Variants in CAPZA1 observed in about 807,000 individuals in gnomAD.
CAPZA1 encodes capping actin protein of muscle Z-line subunit alpha 1.
In CAPZA1, 10 loss-of-function variants were observed where a neutral mutation model predicts 40.8. The observed-to-expected ratio is 0.25, with a 90% CI of 0.15 to 0.42. The LOEUF (loss-of-function observed/expected upper bound fraction) is 0.42, where lower values mean the gene tolerates loss of function less well. Ranked by LOEUF, CAPZA1 falls within the 10% of genes least tolerant of loss-of-function variation. CAPZA1 has a pLI of 1.00. For missense variants in CAPZA1, 277 were observed against 353.8 expected (o/e 0.78, Z 1.74); for synonymous variants, 98 against 115.0 (o/e 0.85, Z 0.95).
chr1:112,641,852 G>C (rs566732035), intron 1 of CAPZA1, among the ~76,000 whole-genome samples: 1 of 137,766 alleles, frequency 7.3e-6, no homozygotes, highest in African/African-American at 2.8e-5. Context: ...TTGTGCTGCC[G>C]CACTCCAGCC....
chr1:112,648,383 T>C (rs1016324850), intron 2 of CAPZA1, among the ~76,000 whole-genome samples: 23 of 148,632 alleles, frequency 1.5e-4, no homozygotes, highest in African/African-American at 5.5e-4. Flanking sequence ...GGAGTCTTGC[T>C]TTGTTGCCAG....
intron 1 of CAPZA1, among the ~76,000 whole-genome samples, chr1:112,645,688 T>C (rs1463486278): frequency 4.7e-5 from 7 of 148,522 alleles, no homozygotes; most frequent in Non-Finnish European, 7.4e-5. Context: ...CATAAAGATA[T>C]TGTATACACA....
At chr1:112,622,530 C>T (rs1052837460) in intron 1 of CAPZA1, among the ~76,000 whole-genome samples, 4 of 152,068 alleles carry the variant, frequency 2.6e-5, no homozygotes, top group Non-Finnish European at 5.9e-5. Flanking sequence ...TTGTCTATTT[C>T]CTTTATTTCA....
intron 1 of CAPZA1, among the ~76,000 whole-genome samples, chr1:112,635,161 T>TA (rs1388150057): frequency 6.6e-6 from 1 of 152,114 alleles, no homozygotes; most frequent in Non-Finnish European, 1.5e-5. Context: ...AGCATTCAAA[T>TA]ACACTTTGAA....
chr1:112,624,887 C>G (rs1327534368), intron 1 of CAPZA1, among the ~76,000 whole-genome samples: 1 of 152,144 alleles, frequency 6.6e-6, no homozygotes, highest in African/African-American at 2.4e-5. Context: ...CTGGGAGGTT[C>G]TATTCATTGT....
intron 4 of CAPZA1, among the ~76,000 whole-genome samples, 172 bp downstream of exon 4, chr1:112,653,833 T>G (rs1177676888): frequency 6.6e-6 from 1 of 152,200 alleles, no homozygotes; most frequent in Non-Finnish European, 1.5e-5. Flanking sequence ...CACTAGCAGT[T>G]TCTTTGACAA....
intron 3 of CAPZA1, among the ~76,000 whole-genome samples, 149 bp from the exon 4 acceptor site, chr1:112,653,439 TTAACACTGGA>T (rs1040549328): frequency 6.6e-6 from 1 of 152,208 alleles, no homozygotes; most frequent in African/African-American, 2.4e-5. Context: ...AGGCATTATG[TTAACACTGGA>T]TGTCTGGGGA....
chr1:112,667,376 C>G (rs1324703464), intron 8 of CAPZA1, among the ~76,000 whole-genome samples: 3 of 152,170 alleles, frequency 2.0e-5, no homozygotes, highest in Non-Finnish European at 4.4e-5. Context: ...TAGTCGCTCT[C>G]TCAATTGTAA....
chr1:112,622,593 A>G (rs1011220564), intron 1 of CAPZA1, among the ~76,000 whole-genome samples: 3 of 152,226 alleles, frequency 2.0e-5, no homozygotes, highest in African/African-American at 7.2e-5. Context: ...GCTGGAAAAA[A>G]GTGTGACTAG....
intron 4 of CAPZA1, 124 bp downstream of exon 4, chr1:112,653,785 G>A (rs1348175653): frequency 1.5e-6 from 1 of 683,110 alleles, no homozygotes; most frequent in Non-Finnish European, 2.6e-6. Flanking sequence ...GTTTTTGTGT[G>A]TACTGTACGT....
Position 112,647,213 on chromosome 1 carries a change from C to T in CAPZA1, c.43C>T (p.Arg15Cys), listed in dbSNP as rs763035612. The T allele has an allele frequency of 1.5e-5, 23 of 1,510,422 alleles. No individual in the cohort carries two copies. The highest frequency in any genetic ancestry group is 7.1e-5 in the East Asian group (3 of 42,180). The allele number at this position is 1,510,422 out of a possible 1,614,324, so 93.6% of individuals were successfully genotyped here. Residue 15 changes from arginine (R) to cysteine (C), a missense_variant, in exon 2 of 10, where the codon CGC becomes TGC. By Grantham distance (180) the Arg-to-Cys change is radical. Coordinates refer to ENST00000263168, the MANE Select transcript of CAPZA1 (RefSeq NM_006135.3). ...TGTAAATTTTGTTTCTCTTTAGGTA[C>T]GCATAGCTGCTAAATTCATCACTCA... The part of the protein sequence containing the change: ...DDRVSDEEKV[R>C]IAAKFITHAP...
chr1:112,651,254 A>G (rs1671380468), intron 3 of CAPZA1, among the ~76,000 whole-genome samples: 1 of 152,260 alleles, frequency 6.6e-6, no homozygotes, highest in Admixed American at 6.5e-5. Flanking sequence ...GTTATGTTAA[A>G]GAGTGAATTT....
At chr1:112,636,306 G>A (rs1035245378) in intron 1 of CAPZA1, among the ~76,000 whole-genome samples, 1 of 152,148 alleles carries the variant, frequency 6.6e-6, no homozygotes, top group African/African-American at 2.4e-5. Context: ...GCAAGGATTG[G>A]TTTATTATTA....
intron 1 of CAPZA1, among the ~76,000 whole-genome samples, chr1:112,628,164 T>A (rs1363339113): frequency 6.6e-6 from 1 of 152,242 alleles, no homozygotes; most frequent in Non-Finnish European, 1.5e-5. Context: ...AATCTGTGTT[T>A]CCTTCAAAAA....
chr1:112,660,086 T>TA (rs1557736892), intron 7 of CAPZA1, among the ~76,000 whole-genome samples: 21 of 151,988 alleles, frequency 1.4e-4, no homozygotes, highest in Admixed American at 7.9e-4. Context: ...TAATAATAAT[T>TA]ATTATTTTTT....
intron 1 of CAPZA1, among the ~76,000 whole-genome samples, chr1:112,645,965 T>TA (rs34028979): frequency 1.3e-5 from 2 of 148,588 alleles, no homozygotes; most frequent in Non-Finnish European, 3.0e-5. Flanking sequence ...CCCTGTCTCT[T>TA]AAAAAAAAAA....
intron 1 of CAPZA1, chr1:112,646,691 A>C (rs1671286892): frequency 6.6e-6 from 1 of 152,114 alleles, no homozygotes; most frequent in Non-Finnish European, 1.5e-5. Flanking sequence ...TATATCTACC[A>C]AAAATTAATA....
chr1:112,628,089 CG>C (rs1312011737), intron 1 of CAPZA1, among the ~76,000 whole-genome samples: 19 of 152,136 alleles, frequency 1.2e-4, no homozygotes, highest in Admixed American at 1.2e-3. Context: ...CTAAAGTCCC[CG>C]TAACAAGGCC....
chr1:112,637,254 A>G (rs528432844), intron 1 of CAPZA1, among the ~76,000 whole-genome samples: 53 of 152,402 alleles, frequency 3.5e-4, no homozygotes, highest in African/African-American at 1.3e-3. Flanking sequence ...AAAGATCAAT[A>G]AAAGAAACAG....
Sources: gnomAD v4.1 joint callset for allele counts (sites outside exome capture counted in the v4.1 genomes callset) on GRCh38, gnomAD v4.1.1 for gene constraint, MANE v1.5 for transcripts, NCBI Gene and HGNC (gene_info 2026-07-23, HGNC 2026-07-21) for gene names.